The following TBXAS1 variants were observed in gnomAD, a reference collection of about 807,000 sequenced individuals.
The protein encoded by TBXAS1 is thromboxane-A synthase.
In TBXAS1, 48 loss-of-function variants were observed where a neutral mutation model predicts 60.7. The observed-to-expected ratio is 0.79, with a 90% CI of 0.63 to 1.01. The LOEUF (loss-of-function observed/expected upper bound fraction) is 1.01, where lower values mean the gene tolerates loss of function less well. Among genes scored for constraint, TBXAS1 ranks in the 50% least tolerant of loss-of-function variants. The pLI, the probability that TBXAS1 is intolerant of heterozygous loss-of-function variation, is 0.00. For missense variants in TBXAS1, 685 were observed against 686.3 expected, an observed-to-expected ratio of 1.00 and a Z score of 0.02; for synonymous variants, 287 against 269.7, an observed-to-expected ratio of 1.06 and a Z score of -0.63.
chr7:139,904,996 TCTCTTTCTC>T lies in TBXAS1; in HGVS notation c.237-6228_237-6220del, dbSNP rs1569511359. 1.4e-3 allele frequency among the ~76,000 whole-genome samples: 136 copies of T among 96,998 alleles called. 1 individual carries two copies. The highest frequency in any genetic ancestry group is 6.2e-3 in the African/African-American group (130 of 21,006). The allele number at this position is 96,998 out of a possible 152,430, so 63.6% of individuals were successfully genotyped here. A position where few individuals can be genotyped will look rare whatever the true frequency, so the allele number is the denominator to read the frequency against. ...ACCTTTCTTTCTCTTTCTCTCTTTC[TCTCTTTCTC>T]TCTTTCTTTCTTTCTTTCTTTCTTT... On this transcript the variant is annotated intron_variant, in intron 3 of 12. Transcript: ENST00000448866.
chr7:139,854,203 T>G (rs929563677), intron 1 of TBXAS1, among the ~76,000 whole-genome samples: 3 of 151,918 alleles, frequency 2.0e-5, no homozygotes, highest in Non-Finnish European at 2.9e-5. Context: ...TGTTCTTGCC[T>G]CTCCTTTGTC....
intron 5 of TBXAS1, among the ~76,000 whole-genome samples, chr7:139,948,453 G>T (rs147403160): frequency 6.6e-6 from 1 of 152,246 alleles, no homozygotes; most frequent in East Asian, 1.9e-4. Context: ...GGGAGTTGGG[G>T]CTTCAATGTA....
chr7:139,868,563 A>C lies in TBXAS1; in HGVS notation c.90-3672A>C, dbSNP rs76893246. The stretch of plus-strand genomic sequence containing the variant: ...TACTGGTACAAAAGTAGCTCATTGT[A>C]GCCTCAAACTCCTGAGCTCAAGTGA... On this transcript the variant is annotated intron_variant, in intron 1 of 12. Transcript: ENST00000448866. Among the ~76,000 whole-genome samples the C allele has an allele frequency of 7.2e-3, 1,089 of 151,016 alleles. 16 individuals are homozygous for C. The highest frequency in any genetic ancestry group is 0.025 in the African/African-American group (1,034 of 41,112).
At chr7:139,886,389 T>C (rs1803111626) in intron 3 of TBXAS1, among the ~76,000 whole-genome samples, 1 of 142,570 alleles carries the variant, frequency 7.0e-6, no homozygotes, top group South Asian at 2.3e-4. Flanking sequence ...CAGATGAATT[T>C]TTTTTTTTTT....
chr7:140,006,583 G>T (rs112280140), intron 9 of TBXAS1, among the ~76,000 whole-genome samples: 1 of 152,028 alleles, frequency 6.6e-6, no homozygotes, highest in Admixed American at 6.5e-5. Context: ...GTAGCTCTTT[G>T]GTTTTTGTTA....
At chr7:139,786,006 G>A (rs1198552952) in intron 3 of TBXAS1, among the ~76,000 whole-genome samples, 1 of 149,394 alleles carries the variant, frequency 6.7e-6, no homozygotes, top group Non-Finnish European at 1.5e-5. Context: ...GCATATTTTA[G>A]GTCTGTTTCT....
intron 3 of TBXAS1, among the ~76,000 whole-genome samples, chr7:139,876,283 G>A (rs567658920): frequency 6.6e-6 from 1 of 152,180 alleles, no homozygotes; most frequent in Non-Finnish European, 1.5e-5. Flanking sequence ...ATGCTCCTTT[G>A]TTTCTAAAAT....
intron 9 of TBXAS1, among the ~76,000 whole-genome samples, chr7:140,001,627 G>C (rs1417135455): frequency 1.3e-5 from 2 of 152,184 alleles, no homozygotes; most frequent in East Asian, 3.9e-4. Flanking sequence ...CTGGCCTCAA[G>C]TGACACCCCC....
chr7:139,807,980 G>A (rs1330194072), intron 4 of TBXAS1, among the ~76,000 whole-genome samples: 1 of 152,146 alleles, frequency 6.6e-6, no homozygotes, highest in Non-Finnish European at 1.5e-5. Flanking sequence ...GAGTTGGGTA[G>A]AGATGTTCAA....
At chr7:139,956,056 T>C (rs552412609) in intron 7 of TBXAS1, among the ~76,000 whole-genome samples, 58 of 152,322 alleles carry the variant, frequency 3.8e-4, no homozygotes, top group Admixed American at 1.2e-3. Flanking sequence ...ACTTCTCCAC[T>C]TGAAGCCCAA....
intron 9 of TBXAS1, among the ~76,000 whole-genome samples, chr7:139,966,110 C>T (rs928361341): frequency 3.3e-5 from 5 of 152,216 alleles, no homozygotes; most frequent in Non-Finnish European, 5.9e-5. Context: ...GCCCTACGCA[C>T]GAGGGTGTTC....
At chr7:139,905,027 CTTTCTTTCTTTCTTTCTT>C (rs1804913354) in intron 3 of TBXAS1, among the ~76,000 whole-genome samples, 1 of 80,212 alleles carries the variant, frequency 1.2e-5, no homozygotes, top group African/African-American at 6.9e-5. Context: ...TTCTTTCTTT[CTTTCTTTCTTTCTTTCTT>C]TCTTTCTTTC....
chr7:139,973,663 G>A (rs1005473287), intron 9 of TBXAS1, among the ~76,000 whole-genome samples: 1 of 151,870 alleles, frequency 6.6e-6, no homozygotes, highest in Non-Finnish European at 1.5e-5. Flanking sequence ...AGATCACAAG[G>A]GAGGTGTGAC....
At chr7:139,871,000 A>G (rs978413268) in intron 1 of TBXAS1, among the ~76,000 whole-genome samples, 2 of 152,152 alleles carry the variant, frequency 1.3e-5, no homozygotes, top group African/African-American at 4.8e-5. Flanking sequence ...GAGGCAGGAG[A>G]ATCACTTGAG....
chr7:139,955,850 C>A (rs538632302), intron 7 of TBXAS1, among the ~76,000 whole-genome samples: 1 of 152,352 alleles, frequency 6.6e-6, no homozygotes, highest in South Asian at 2.1e-4. Flanking sequence ...ATGGTGAGAA[C>A]GGTTGGGACG....
At chr7:139,948,198 G>A (rs1292377510) in intron 5 of TBXAS1, among the ~76,000 whole-genome samples, 2 of 152,114 alleles carry the variant, frequency 1.3e-5, no homozygotes, top group African/African-American at 4.8e-5. Context: ...TTGGAGGCTG[G>A]GTGCCAGCGT....
chr7:139,984,931 A>G (rs1245635854), intron 9 of TBXAS1, among the ~76,000 whole-genome samples: 1 of 81,624 alleles, frequency 1.2e-5, no homozygotes, highest in African/African-American at 5.7e-5. Flanking sequence ...AAGGAAAGAA[A>G]GAAAGAAAGA....
Position 139,778,931 on chromosome 7 carries a change from C to A in TBXAS1, c.-318+460C>A, listed in dbSNP as rs1389537097. Among the ~76,000 whole-genome samples the A allele has an allele frequency of 6.6e-6, 1 of 152,044 alleles. No homozygotes were observed. The highest frequency in any genetic ancestry group is 2.4e-5 in the African/African-American group (1 of 41,394). On this transcript the variant is annotated intron_variant, in intron 1 of 16. Coordinates refer to the TBXAS1 transcript ENST00000336425. This position sits in a 1 kb window ranked among gnomAD's most constrained non-coding sequence, Gnocchi z 4.8. ...AGGCACTGTTTTTAAAACTGTGGGTCGTGACACAGTAATAGATCATAAAAT... is the reference window on the plus strand; with the variant it reads ...AGGCACTGTTTTTAAAACTGTGGGTAGTGACACAGTAATAGATCATAAAAT...
chr7:139,809,863 C>A (rs1797983505), intron 4 of TBXAS1, among the ~76,000 whole-genome samples: 1 of 152,108 alleles, frequency 6.6e-6, no homozygotes, highest in African/African-American at 2.4e-5. Flanking sequence ...TCTGAAAACA[C>A]CCTCACAGAC....
Sources: gnomAD v4.1 joint callset for allele counts (sites outside exome capture counted in the v4.1 genomes callset) on GRCh38, gnomAD v4.1.1 for gene constraint, Gnocchi (gnomAD v3.1) non-coding constraint, MANE v1.5 for transcripts, NCBI Gene and HGNC (gene_info 2026-07-23, HGNC 2026-07-21) for gene names.